RAB9A: variants seen among roughly 807,000 people sequenced by gnomAD.
RAB9A encodes ras-related protein Rab-9A.
In RAB9A, 1 loss-of-function variant was observed where a neutral mutation model predicts 10.3. That is an observed-to-expected ratio of 0.10 (90% confidence interval 0.03 to 0.46). RAB9A has a LOEUF of 0.46. Among genes scored for constraint, RAB9A ranks in the 20% least tolerant of loss-of-function variants. The probability of loss-of-function intolerance (pLI) is 0.96; values close to 1 mark genes in which losing one functional copy is unlikely to be tolerated. For missense variants in RAB9A, 92 were observed against 150.3 expected, an observed-to-expected ratio of 0.61 and a Z score of 2.03; for synonymous variants, 39 against 55.2, an observed-to-expected ratio of 0.71 and a Z score of 1.30.
intron 2 of RAB9A, among the ~76,000 whole-genome samples, chrX:13,706,468 G>A (rs990004707): frequency 1.8e-5 from 2 of 110,772 alleles, no homozygotes; most frequent in African/African-American, 3.3e-5. Context: ...CTCAGCTCAC[G>A]GCAACCTACG....
Position 13,708,958 on chromosome X carries a change from G to A in RAB9A, c.212G>A (p.Ser71Asn). The part of the protein sequence containing the change: ...WDTAGQERFR[S>N]LRTPFYRGSD... ...ACGGCAGGTCAGGAGCGATTCCGAA[G>A]CCTGAGGACACCATTTTACAGAGGT... is the stretch of plus-strand genomic sequence containing the variant. Residue 71 changes from serine to asparagine, a missense_variant, in exon 3 of 3, where the codon AGC becomes AAC. Coordinates refer to ENST00000464506, the MANE Select transcript of RAB9A (RefSeq NM_004251.5). 8.3e-7 allele frequency: 1 copy of A among 1,211,746 alleles called. No homozygotes were observed. Among genetic ancestry groups the A allele is most frequent in the Non-Finnish European group, 1.1e-6 (1 of 895,526 alleles).
intron 1 of RAB9A, among the ~76,000 whole-genome samples, chrX:13,690,996 C>G (rs1244069298): frequency 9.0e-6 from 1 of 111,292 alleles, no homozygotes; most frequent in Non-Finnish European, 1.9e-5. Context: ...TTTGGCAATG[C>G]CTGGAGGCAT....
At chrX:13,705,836 G>A (rs188256019) in intron 2 of RAB9A, among the ~76,000 whole-genome samples, 3 of 111,717 alleles carry the variant, frequency 2.7e-5, no homozygotes, top group South Asian at 7.5e-4. Flanking sequence ...CGGTTCATTG[G>A]GGGGGTCACC....
chrX:13,695,439 T>C (rs1272490178), intron 1 of RAB9A, among the ~76,000 whole-genome samples: 1 of 111,995 alleles, frequency 8.9e-6, no homozygotes, highest in East Asian at 2.8e-4. Flanking sequence ...TGGATGATAG[T>C]GTCCAACTTG....
intron 1 of RAB9A, among the ~76,000 whole-genome samples, chrX:13,695,612 C>A (rs2046144120): frequency 1.8e-5 from 2 of 111,670 alleles, no homozygotes; most frequent in Admixed American, 1.9e-4. Context: ...GAATGAAGTG[C>A]GTAAGAGAAA....
At chrX:13,708,114 G>T (rs975068792) in intron 2 of RAB9A, among the ~76,000 whole-genome samples, 4 of 111,217 alleles carry the variant, frequency 3.6e-5, no homozygotes, top group Non-Finnish European at 7.5e-5. Flanking sequence ...TTGGGCCCAG[G>T]AGTTTGAAGC....
intron 1 of RAB9A, among the ~76,000 whole-genome samples, chrX:13,692,835 C>T (rs958711943): frequency 8.9e-6 from 1 of 112,198 alleles, no homozygotes; most frequent in Admixed American, 9.4e-5. Context: ...TGCCAATGCA[C>T]AGCACGTTCT....
chrX:13,691,877 A>G (rs959188565), intron 1 of RAB9A, among the ~76,000 whole-genome samples: 16 of 109,790 alleles, frequency 1.5e-4, no homozygotes, highest in African/African-American at 5.3e-4. Flanking sequence ...GGGAGTCCCA[A>G]CCTTCCTGAA....
intron 1 of RAB9A, among the ~76,000 whole-genome samples, 168 bp downstream of exon 1, chrX:13,689,456 C>T (rs1204253034): frequency 2.7e-5 from 3 of 112,108 alleles, no homozygotes. Flanking sequence ...CTCCCTGCCT[C>T]CTCTCTGACG....
chrX:13,694,382 C>T (rs1164554487), intron 1 of RAB9A, among the ~76,000 whole-genome samples: 1 of 112,199 alleles, frequency 8.9e-6, no homozygotes, highest in Non-Finnish European at 1.9e-5. Context: ...TTGGTGAATG[C>T]AGAACATTCT....
intron 1 of RAB9A, among the ~76,000 whole-genome samples, chrX:13,701,723 C>G (rs888412348): frequency 9.0e-6 from 1 of 111,087 alleles, no homozygotes; most frequent in African/African-American, 3.3e-5. Flanking sequence ...GAGGTGAGGT[C>G]TAGCTGCATC....
In RAB9A at chrX:13,691,659, C is replaced by CAAAAAAAA. The variant is rs765886332; in HGVS notation, c.-116+2392_-116+2399dup. Among the ~76,000 whole-genome samples, 11 of 15,921 alleles carry CAAAAAAAA rather than the reference C, an allele frequency of 6.9e-4. 1 individual carries two copies. Among genetic ancestry groups the CAAAAAAAA allele is most frequent in the African/African-American group, 1.9e-3 (11 of 5,766 alleles). 13.8% of individuals were successfully genotyped at this position (15,921 alleles called of 115,157 possible). ...TGGGCAACAGAATGAGACTCCATCT[C>CAAAAAAAA]AAAAAAAAAAAAAAAAAAAAAAAAA... On this transcript the variant is annotated intron_variant, in intron 1 of 2. Coordinates refer to ENST00000464506, the MANE Select transcript of RAB9A (RefSeq NM_004251.5).
chrX:13,697,938 A>C (rs1323828933), intron 1 of RAB9A, among the ~76,000 whole-genome samples: 1 of 111,760 alleles, frequency 8.9e-6, no homozygotes, highest in African/African-American at 3.3e-5. Context: ...TGCACTGTCC[A>C]ACACAGTTCC....
chrX:13,700,513 G>A (rs1386085089), intron 1 of RAB9A, among the ~76,000 whole-genome samples: 1 of 111,990 alleles, frequency 8.9e-6, no homozygotes, highest in Non-Finnish European at 1.9e-5. Context: ...TGGCAATGTG[G>A]TTCATTTGTT....
Position 13,703,801 on chromosome X carries a change from A to G in RAB9A, c.-115-13A>G, listed in dbSNP as rs1018265921. ...ACTGCCAGTGAAGACTTCTTCATGT[A>G]TTCATTTCACAGACACTCTTGCACT... On this transcript the variant is annotated splice_polypyrimidine_tract_variant and intron_variant, in intron 1 of 2. Transcript: ENST00000464506. 8.9e-6 allele frequency: 1 copy of G among 112,269 alleles called. No individual in the cohort carries two copies. Among genetic ancestry groups the G allele is most frequent in the African/African-American group, 3.2e-5 (1 of 30,810 alleles). 9.3% of individuals were successfully genotyped at this position (112,269 alleles called of 1,213,427 possible).
At chrX:13,689,655 A>AC (rs755502411) in intron 1 of RAB9A, among the ~76,000 whole-genome samples, 1 of 111,397 alleles carries the variant, frequency 9.0e-6, no homozygotes, top group Non-Finnish European at 1.9e-5. Context: ...ACATCCACAG[A>AC]CCCCAAACCA....
chrX:13,690,088 T>C (rs1328895197), intron 1 of RAB9A, among the ~76,000 whole-genome samples: 2 of 110,546 alleles, frequency 1.8e-5, no homozygotes, highest in African/African-American at 6.6e-5. Context: ...TTTAGCGTCC[T>C]GATAAAAATC....
At chrX:13,692,619 T>G (rs1234260723) in intron 1 of RAB9A, among the ~76,000 whole-genome samples, 3 of 112,185 alleles carry the variant, frequency 2.7e-5, no homozygotes. Flanking sequence ...TGTTTTCTGG[T>G]CTCTTTTTCA....
At chrX:13,702,249 T>A (rs1363767256) in intron 1 of RAB9A, among the ~76,000 whole-genome samples, 2 of 111,654 alleles carry the variant, frequency 1.8e-5, no homozygotes, top group Non-Finnish European at 3.8e-5. Flanking sequence ...TTCTGGTTCC[T>A]GCTCCCTCCT....
Sources: gnomAD v4.1 joint callset for allele counts (sites outside exome capture counted in the v4.1 genomes callset) on GRCh38, gnomAD v4.1.1 for gene constraint, MANE v1.5 for transcripts, NCBI Gene and HGNC (gene_info 2026-07-23, HGNC 2026-07-21) for gene names.